Variants in PDE4B observed in about 807,000 individuals in gnomAD.
PDE4B encodes the protein 3',5'-cyclic-AMP phosphodiesterase 4B.
In PDE4B, 20 loss-of-function variants were observed where a neutral mutation model predicts 82.2. The ratio of observed to expected loss-of-function variants is 0.24; its 90% CI spans 0.17 to 0.35. The LOEUF is 0.35. PDE4B is among the 10% of genes least tolerant of loss of function. The probability of loss-of-function intolerance (pLI) is 1.00; values close to 1 mark genes in which losing one functional copy is unlikely to be tolerated. For synonymous variants in PDE4B, 320 were observed against 318.9 expected (o/e 1.00, Z -0.04); for missense variants, 655 against 907.2 (o/e 0.72, Z 3.57).
chr1:66,366,483 T>C (rs906476870), intron 13 of PDE4B, among the ~76,000 whole-genome samples: 1 of 152,212 alleles, frequency 6.6e-6, no homozygotes, highest in African/African-American at 2.4e-5. Context: ...TTGAGAATAT[T>C]GGTTATTGTA....
At chr1:66,196,192 A>C (rs954246623) in intron 3 of PDE4B, among the ~76,000 whole-genome samples, 1 of 152,226 alleles carries the variant, frequency 6.6e-6, no homozygotes. Context: ...AAGGGCAAAT[A>C]GCATAGGAAG....
At chr1:65,862,685 T>C (rs112357114) in intron 1 of PDE4B, among the ~76,000 whole-genome samples, 1 of 151,462 alleles carries the variant, frequency 6.6e-6, no homozygotes, top group Admixed American at 6.6e-5. Flanking sequence ...GTCCTGGACC[T>C]TTTTTTGGTT....
At chr1:66,105,817 T>C (rs372995110) in intron 3 of PDE4B, among the ~76,000 whole-genome samples, 8 of 152,070 alleles carry the variant, frequency 5.3e-5, no homozygotes, top group South Asian at 2.1e-4. Flanking sequence ...TGAAGTTGCT[T>C]ATCAGCTTAA....
intron 3 of PDE4B, chr1:66,048,750 CTG>C (rs1654856350): frequency 6.6e-6 from 1 of 151,938 alleles, no homozygotes; most frequent in African/African-American, 2.4e-5. Flanking sequence ...TGTTTTATAA[CTG>C]ATAATATCTT....
intron 3 of PDE4B, among the ~76,000 whole-genome samples, chr1:66,199,917 G>T (rs975143558): frequency 6.6e-6 from 1 of 152,142 alleles, no homozygotes. Flanking sequence ...TGAAGTCCTT[G>T]CCCAGGCCTA....
chr1:66,329,329 G>A (rs142469210), intron 7 of PDE4B, among the ~76,000 whole-genome samples: 17 of 152,224 alleles, frequency 1.1e-4, no homozygotes, highest in South Asian at 4.1e-4. Flanking sequence ...CAATTTTTCC[G>A]TCAGTCTGAA....
chr1:65,985,855 C>A (rs1408373499), intron 3 of PDE4B, among the ~76,000 whole-genome samples: 1 of 152,126 alleles, frequency 6.6e-6, no homozygotes, highest in South Asian at 2.1e-4. Flanking sequence ...GAAAGCCTGG[C>A]AAGTTTCTCC....
At chr1:66,145,240 A>G (rs1370735780) in intron 3 of PDE4B, among the ~76,000 whole-genome samples, 8 of 152,210 alleles carry the variant, frequency 5.3e-5, no homozygotes, top group Admixed American at 2.6e-4. Context: ...GAGGCTGTGT[A>G]TCACTGCAAA....
intron 3 of PDE4B, among the ~76,000 whole-genome samples, chr1:66,000,239 G>T (rs771265840): frequency 2.6e-5 from 4 of 152,202 alleles, no homozygotes; most frequent in Non-Finnish European, 5.9e-5. Flanking sequence ...CTGAGGAGAA[G>T]TGTTGTATGG....
chr1:65,887,414 G>GTTTTT (rs34263724), intron 1 of PDE4B, among the ~76,000 whole-genome samples: 103 of 7,734 alleles, frequency 0.013, 40 homozygotes, highest in African/African-American at 0.034. Flanking sequence ...TTTTTCTTCT[G>GTTTTT]TTTTTTTTTT....
intron 1 of PDE4B, among the ~76,000 whole-genome samples, chr1:65,802,594 A>G (rs1488183020): frequency 6.6e-6 from 1 of 152,206 alleles, no homozygotes; most frequent in African/African-American, 2.4e-5. Context: ...ATTCTGTTAT[A>G]TAATGAAAAA....
intron 3 of PDE4B, among the ~76,000 whole-genome samples, chr1:66,056,307 T>C (rs985595667): frequency 6.6e-6 from 1 of 152,124 alleles, no homozygotes; most frequent in African/African-American, 2.4e-5. Context: ...GAGAGAGATG[T>C]GTGTAAAATT....
intron 3 of PDE4B, among the ~76,000 whole-genome samples, chr1:66,135,728 G>A (rs2503173): frequency 0.58 from 88,061 of 151,920 alleles, 26,643 homozygotes; most frequent in Non-Finnish European, 0.68. Flanking sequence ...AGATGTATTC[G>A]TATACTTAAT....
At chr1:66,308,280 A>C (rs1658424806) in intron 7 of PDE4B, among the ~76,000 whole-genome samples, 2 of 152,176 alleles carry the variant, frequency 1.3e-5, no homozygotes, top group African/African-American at 4.8e-5. Context: ...GAAGAATCAA[A>C]ATGCTGGTTA....
intron 3 of PDE4B, among the ~76,000 whole-genome samples, chr1:66,034,401 A>G (rs949645771): frequency 6.6e-6 from 1 of 152,222 alleles, no homozygotes; most frequent in Non-Finnish European, 1.5e-5. Context: ...AAAAAGAACT[A>G]TCAGTTCTAA....
At chr1:66,188,812 T>C (rs1378756857) in intron 3 of PDE4B, among the ~76,000 whole-genome samples, 3 of 152,170 alleles carry the variant, frequency 2.0e-5, no homozygotes, top group African/African-American at 7.2e-5. Context: ...TGTCTTTTAA[T>C]TGGAGCATTT....
chr1:65,975,195 T>A (rs1480967012), intron 3 of PDE4B, among the ~76,000 whole-genome samples: 4 of 152,226 alleles, frequency 2.6e-5, no homozygotes, highest in Non-Finnish European at 5.9e-5. Context: ...TGGAGTAAAG[T>A]TGACTCTTGC....
intron 3 of PDE4B, among the ~76,000 whole-genome samples, chr1:66,027,391 A>G (rs1037559408): frequency 5.3e-5 from 8 of 152,164 alleles, no homozygotes; most frequent in African/African-American, 1.7e-4. Context: ...TCCCTCCCAC[A>G]ACATGTGGAA....
intron 2 of PDE4B, among the ~76,000 whole-genome samples, chr1:65,916,464 G>A (rs1016493797): frequency 6.6e-6 from 1 of 152,032 alleles, no homozygotes; most frequent in Non-Finnish European, 1.5e-5. Flanking sequence ...GTGGTTGGCG[G>A]TTTAGCTACA....
Sources: gnomAD v4.1 joint callset for allele counts (sites outside exome capture counted in the v4.1 genomes callset) on GRCh38, gnomAD v4.1.1 for gene constraint, MANE v1.5 for transcripts, NCBI Gene and HGNC (gene_info 2026-07-23, HGNC 2026-07-21) for gene names.